ZNF185: variants seen among roughly 807,000 people sequenced by gnomAD.
ZNF185 encodes zinc finger protein 185.
In ZNF185, 56 loss-of-function variants were observed where a neutral mutation model predicts 58.6. The observed-to-expected ratio is 0.95, with a 90% CI of 0.77 to 1.19. The LOEUF is 1.19. Among genes scored for constraint, ZNF185 ranks in the 50% most tolerant of loss-of-function variants. ZNF185 has a pLI of 0.00. For missense variants in ZNF185, 627 were observed against 573.5 expected (o/e 1.09, Z -0.95); for synonymous variants, 230 against 215.9 (o/e 1.07, Z -0.57).
At chrX:152,931,260 G>T (rs1443910405) in intron 12 of ZNF185, among the ~76,000 whole-genome samples, 1 of 112,086 alleles carries the variant, frequency 8.9e-6, no homozygotes, top group African/African-American at 3.2e-5. Context: ...CTGTCAATCA[G>T]CAGGGTTTGT....
At chrX:152,920,947 G>A (rs1939582621) in intron 9 of ZNF185, among the ~76,000 whole-genome samples, 199 bp downstream of exon 10, 1 of 112,749 alleles carries the variant, frequency 8.9e-6, no homozygotes, top group Admixed American at 9.3e-5. Context: ...GGTAGCATAT[G>A]TGGTCAAGCT....
intron 14 of ZNF185, among the ~76,000 whole-genome samples, 160 bp downstream of exon 16, chrX:152,936,673 G>C (rs1278413543): frequency 9.0e-6 from 1 of 111,061 alleles, no homozygotes; most frequent in Non-Finnish European, 1.9e-5. Context: ...TCCAGGGGGA[G>C]CTCTGACCAG....
intron 15 of ZNF185, chrX:152,941,890 G>C: frequency 9.3e-7 from 1 of 1,075,677 alleles, no homozygotes; most frequent in East Asian, 3.7e-5. Context: ...ACCGTCGCCG[G>C]CGGGAGGAAG....
chrX:152,946,379 T>G (rs868958937), intron 16 of ZNF185, among the ~76,000 whole-genome samples: 1 of 110,839 alleles, frequency 9.0e-6, no homozygotes. Flanking sequence ...TATTAATAGT[T>G]AGGTTATTTT....
the ZNF185 span, among the ~76,000 whole-genome samples, chrX:152,904,294 C>CGGTCCCTA: frequency 1.8e-5 from 2 of 112,212 alleles, no homozygotes. Flanking sequence ...GCCCTGCCCA[C>CGGTCCCTA]GGTCCCTAAA....
intron 16 of ZNF185, 40 bp from the exon 19 acceptor site, chrX:152,959,659 C>T: frequency 2.6e-6 from 3 of 1,174,017 alleles, no homozygotes; most frequent in Non-Finnish European, 3.4e-6. Context: ...AAAGTCTAGT[C>T]TCAGGGCACT....
intron 14 of ZNF185, among the ~76,000 whole-genome samples, chrX:152,933,907 C>T (rs59329447): frequency 0.015 from 1,727 of 111,952 alleles, 39 homozygotes; most frequent in African/African-American, 0.053. Context: ...AACCAGAGCC[C>T]GAATTCTAAA....
intron 15 of ZNF185, chrX:152,941,763 G>A (rs782587805): frequency 1.6e-4 from 181 of 1,163,031 alleles, no homozygotes; most frequent in South Asian, 3.8e-4. Flanking sequence ...GGCCATGCCC[G>A]TGCCGGCCGC....
chrX:152,966,050 C>G (rs1166477582), intron 19 of ZNF185, among the ~76,000 whole-genome samples: 1 of 109,596 alleles, frequency 9.1e-6, no homozygotes, highest in Non-Finnish European at 1.9e-5. Flanking sequence ...CTCTGTTGCC[C>G]AGGCTGGAGT....
intron 12 of ZNF185, among the ~76,000 whole-genome samples, chrX:152,930,190 C>T (rs1556876139): frequency 8.9e-6 from 1 of 112,072 alleles, no homozygotes; most frequent in Non-Finnish European, 1.9e-5. Context: ...CACCATAGCT[C>T]ATTGTACTAG....
intron 19 of ZNF185, among the ~76,000 whole-genome samples, 195 bp downstream of exon 21, chrX:152,965,722 C>T (rs1288381895): frequency 1.8e-5 from 2 of 110,221 alleles, no homozygotes; most frequent in Non-Finnish European, 3.8e-5. Context: ...TTTGGGTTCT[C>T]CCTTCCGGTG....
At chrX:152,902,163 G>C in the ZNF185 span, among the ~76,000 whole-genome samples, 1 of 112,595 alleles carries the variant, frequency 8.9e-6, no homozygotes, top group Non-Finnish European at 1.9e-5. Context: ...CTGAGATGGC[G>C]GCAGAGCTCT....
chrX:152,912,127 T>C (rs782317258), upstream of ZNF185, among the ~76,000 whole-genome samples: 1 of 111,079 alleles, frequency 9.0e-6, no homozygotes, highest in Non-Finnish European at 1.9e-5. Flanking sequence ...GGCAGAGATT[T>C]TTCTGACTCT....
chrX:152,968,627 A>G (rs5970400), intron 20 of ZNF185, among the ~76,000 whole-genome samples: 37,762 of 111,696 alleles, frequency 0.34, 4,756 homozygotes, highest in African/African-American at 0.47. Context: ...GCTGCCCGTG[A>G]CACTTCTGGG....
intron 16 of ZNF185, among the ~76,000 whole-genome samples, chrX:152,950,089 C>T (rs1214293045): frequency 8.9e-6 from 1 of 112,166 alleles, no homozygotes; most frequent in African/African-American, 3.2e-5. Flanking sequence ...CATTATATTT[C>T]TTGGATGACT....
chrX:152,939,789 T>G (rs1326180109), intron 15 of ZNF185, among the ~76,000 whole-genome samples: 1 of 98,870 alleles, frequency 1.0e-5, no homozygotes, highest in Non-Finnish European at 2.0e-5. Context: ...TTTTTTTTTT[T>G]TTTTTTTTTT....
chrX:152,921,581 G>A (rs1250647469), intron 9 of ZNF185, among the ~76,000 whole-genome samples: 5 of 111,416 alleles, frequency 4.5e-5, no homozygotes, highest in Admixed American at 3.8e-4. Context: ...TTTCTGTAAC[G>A]CAGTACCAAA....
At chrX:152,940,423 G>GGGGGTA (rs1196085237) in intron 15 of ZNF185, among the ~76,000 whole-genome samples, 1 of 96,231 alleles carries the variant, frequency 1.0e-5, no homozygotes, top group African/African-American at 3.8e-5. Flanking sequence ...GGAGTGTGGT[G>GGGGGTA]GGGGTGGGGG....
chrX:152,943,515 C>T lies in ZNF185; in HGVS notation c.1212-1752C>T, dbSNP rs190344890. Among the ~76,000 whole-genome samples the T allele has an allele frequency of 4.5e-3, 501 of 112,332 alleles. 7 individuals are homozygous for T. The highest frequency in any genetic ancestry group is 0.016 in the African/African-American group (483 of 30,916). Reference sequence around the variant, plus strand: ...ACTTCCAGGAAGTTCATGAGGAGCTCGGACAGGATAGCTGGGAAGTAATTC... The same window carrying T: ...ACTTCCAGGAAGTTCATGAGGAGCTTGGACAGGATAGCTGGGAAGTAATTC... On this transcript the variant is annotated intron_variant, in intron 15 of 22. Transcript: ENST00000449285.
Sources: gnomAD v4.1 joint callset for allele counts (sites outside exome capture counted in the v4.1 genomes callset) on GRCh38, gnomAD v4.1.1 for gene constraint, MANE v1.5 for transcripts, NCBI Gene and HGNC (gene_info 2026-07-23, HGNC 2026-07-21) for gene names.